The following WDR64 variants were observed in gnomAD, a reference collection of about 807,000 sequenced individuals.
The protein encoded by WDR64 is WD repeat domain 64, also known as WD repeat-containing protein 64.
Under a neutral mutation model 139.3 loss-of-function variants are expected in WDR64, and 112 were observed. That is an observed-to-expected ratio of 0.80 (90% CI 0.69 to 0.94). WDR64 has a LOEUF of 0.94. WDR64 is among the 40% of genes least tolerant of loss of function. The pLI, the probability that WDR64 is intolerant of heterozygous loss-of-function variation, is 0.00. For missense variants in WDR64, 1,206 were observed against 1,293.1 expected (o/e 0.93, Z 1.03); for synonymous variants, 444 against 437.7 (o/e 1.01, Z -0.18).
chr1:241,784,976 A>AAAAAAAAG lies in WDR64; in HGVS notation c.2705+1595_2705+1596insAAAAAAAG, dbSNP rs138513526. ...CTGAAAAAAAAAAAAAAAAAAAAAA[A>AAAAAAAAG]GAAAGGACATCTGCTGTTTTATTTG... On this transcript the variant is annotated intron_variant, in intron 23 of 27. Coordinates refer to ENST00000437684, the MANE Select transcript of WDR64 (RefSeq NM_001367482.1). Among the ~76,000 whole-genome samples, 17 of 98,396 alleles carry AAAAAAAAG rather than the reference A, an allele frequency of 1.7e-4. 1 individual carries two copies. Among genetic ancestry groups the AAAAAAAAG allele is most frequent in the Admixed American group, 2.3e-4 (2 of 8,586 alleles). The allele number at this position is 98,396 out of a possible 152,430, so 64.6% of individuals were successfully genotyped here.
chr1:241,731,356 A>G (rs1319471987), intron 10 of WDR64, among the ~76,000 whole-genome samples: 1 of 152,102 alleles, frequency 6.6e-6, no homozygotes, highest in Non-Finnish European at 1.5e-5. Context: ...AAAAAAAAAA[A>G]ATGAGATAAA....
In WDR64 at chr1:241,780,024, A is replaced by G; in HGVS notation, c.2557A>G (p.Asn853Asp). ...GNVEGHVILC[N>D]ISSFLDPPHD... ...TACAGAAGGACATGTTATCCTTTGC[A>G]ATATTAGCTCTTTCCTGGATCCACC... The change falls in exon 22 of 28, where the codon AAT becomes GAT. Residue 853 changes from asparagine (N) to aspartate (D), a missense_variant. Coordinates refer to ENST00000437684, the MANE Select transcript of WDR64 (RefSeq NM_001367482.1). 6.3e-7 allele frequency: 1 copy of G among 1,588,302 alleles called. No homozygotes were observed. The highest frequency in any genetic ancestry group is 8.5e-7 in the Non-Finnish European group (1 of 1,173,388).
At chr1:241,721,423 A>T (rs1256668140) in intron 9 of WDR64, among the ~76,000 whole-genome samples, 2 of 152,174 alleles carry the variant, frequency 1.3e-5, no homozygotes, top group Non-Finnish European at 2.9e-5. Flanking sequence ...AACTTAGGTT[A>T]TAACGCCTTT....
intron 10 of WDR64, among the ~76,000 whole-genome samples, chr1:241,734,649 GA>G (rs899292028): frequency 2.0e-5 from 3 of 151,632 alleles, no homozygotes; most frequent in African/African-American, 4.8e-5. Flanking sequence ...AAGACATTGG[GA>G]AAAAAAAGAG....
At chr1:241,763,114 T>C (rs1657996706) in intron 15 of WDR64, among the ~76,000 whole-genome samples, 1 of 152,210 alleles carries the variant, frequency 6.6e-6, no homozygotes, top group African/African-American at 2.4e-5. Context: ...GGTTCAATTA[T>C]ATGTATTTGA....
chr1:241,719,060 G>A (rs1339181120), intron 9 of WDR64, among the ~76,000 whole-genome samples: 2 of 152,130 alleles, frequency 1.3e-5, no homozygotes, highest in African/African-American at 2.4e-5. Flanking sequence ...GAAACCATCA[G>A]CTATGCAATG....
At chr1:241,660,766 G>A in intron 2 of WDR64, 106 bp downstream of exon 2, 11 of 1,266,130 alleles carry the variant, frequency 8.7e-6, no homozygotes, top group East Asian at 2.5e-5. Flanking sequence ...GAACCACAAC[G>A]TGCATGTGTC....
At chr1:241,723,468 G>GT (rs764834928) in intron 10 of WDR64, 32 bp downstream of exon 10, 47 of 1,604,662 alleles carry the variant, frequency 2.9e-5, no homozygotes, top group South Asian at 2.3e-4. Context: ...AACAAAACTA[G>GT]TTTTTTCCGG....
chr1:241,674,256 C>CTTTTTTTTT lies in WDR64; in HGVS notation c.380-384_380-383insTTTTTTTTT, dbSNP rs544401027. Among the ~76,000 whole-genome samples, 28 of 121,332 alleles carry CTTTTTTTTT rather than the reference C, an allele frequency of 2.3e-4. 4 individuals are homozygous for CTTTTTTTTT. The highest frequency in any genetic ancestry group is 3.1e-4 in the Non-Finnish European group (18 of 58,906). 79.6% of individuals were successfully genotyped at this position (121,332 alleles called of 152,430 possible). ...AAGCTGGCTGTTTATCTTTTTTTTT[C>CTTTTTTTTT]TTTTCTTTTTTTTTTTTTTTGAGAC... On this transcript the variant is annotated intron_variant, in intron 3 of 27. Coordinates refer to ENST00000437684, the MANE Select transcript of WDR64 (RefSeq NM_001367482.1).
chr1:241,724,959 T>G (rs1668743474), intron 10 of WDR64, among the ~76,000 whole-genome samples: 1 of 152,096 alleles, frequency 6.6e-6, no homozygotes, highest in Admixed American at 6.6e-5. Context: ...AGTGCCGAAG[T>G]GTGGTCAATC....
chr1:241,671,289 CT>C (rs1666217531), intron 3 of WDR64, 113 bp downstream of exon 3: 1 of 747,780 alleles, frequency 1.3e-6, no homozygotes, highest in South Asian at 2.0e-5. Flanking sequence ...TTGTTCAATA[CT>C]TTATCACTAG....
intron 27 of WDR64, among the ~76,000 whole-genome samples, chr1:241,800,810 T>C (rs529828180): frequency 6.9e-4 from 104 of 150,880 alleles, no homozygotes; most frequent in Non-Finnish European, 1.3e-3. Flanking sequence ...TATACAATAT[T>C]AATTATTAAT....
chr1:241,691,624 A>G (rs768228574), intron 8 of WDR64, among the ~76,000 whole-genome samples: 1 of 150,870 alleles, frequency 6.6e-6, no homozygotes. Context: ...CAGTTTTCCC[A>G]CTAAGATCAG....
rs147262988 is a variant in WDR64 at position 241,700,435 on chromosome 1, G to T, written c.975-11367G>T. 2.4e-3 allele frequency among the ~76,000 whole-genome samples: 366 copies of T among 152,168 alleles called. 1 individual carries two copies. The highest frequency in any genetic ancestry group is 8.4e-3 in the African/African-American group (347 of 41,544). On this transcript the variant is annotated intron_variant, in intron 8 of 27. Coordinates refer to ENST00000437684, the MANE Select transcript of WDR64 (RefSeq NM_001367482.1). ...TTTGACAGGATGGTCAGGAGAGACT[G>T]CTCTGAAGAGACAACATTTGAGCAG...
At chr1:241,741,775 G>A in intron 12 of WDR64, 111 bp downstream of exon 12, 1 of 1,120,422 alleles carries the variant, frequency 8.9e-7, no homozygotes, top group Non-Finnish European at 1.2e-6. Flanking sequence ...CATACGATGA[G>A]ACCATACATT....
intron 3 of WDR64, 102 bp from the exon 4 acceptor site, chr1:241,674,542 A>T: frequency 1.5e-6 from 1 of 661,554 alleles, no homozygotes; most frequent in Non-Finnish European, 2.6e-6. Flanking sequence ...GGAGTGAGCC[A>T]CTTGTGCCCT....
chr1:241,793,269 A>G (rs1013481531), intron 25 of WDR64, among the ~76,000 whole-genome samples: 2 of 152,238 alleles, frequency 1.3e-5, no homozygotes, highest in African/African-American at 4.8e-5. Context: ...CTGGATTGCT[A>G]TTTATGTCTG....
chr1:241,723,198 G>A, intron 9 of WDR64, 99 bp from the exon 10 acceptor site: 1 of 1,441,556 alleles, frequency 6.9e-7, no homozygotes, highest in Non-Finnish European at 9.4e-7. Flanking sequence ...ACTGTGATTT[G>A]CTGTTCGAAG....
In WDR64 at chr1:241,769,478, T is replaced by C. The variant is rs1438096327; in HGVS notation, c.2156T>C (p.Phe719Ser). 1.4e-5 allele frequency: 21 copies of C among 1,551,388 alleles called. No individual in the cohort carries two copies. The highest frequency in any genetic ancestry group is 1.7e-4 in the Middle Eastern group (1 of 6,014). The change falls in exon 17 of 28, where the codon TTC (phenylalanine) becomes TCC (serine). Residue 719 changes from phenylalanine to serine, a missense_variant. Coordinates refer to ENST00000437684, the MANE Select transcript of WDR64 (RefSeq NM_001367482.1). ...PKHFKINDILFLFRTPECARR... is the reference protein window; with the variant it reads ...PKHFKINDILSLFRTPECARR... ...CACTTTAAAATTAATGACATACTGT[T>C]CCTCTTTCGTACCCCTGAATGTGCA... is the stretch of plus-strand genomic sequence containing the variant.
Sources: gnomAD v4.1 joint callset for allele counts (sites outside exome capture counted in the v4.1 genomes callset) on GRCh38, gnomAD v4.1.1 for gene constraint, MANE v1.5 for transcripts, NCBI Gene and HGNC (gene_info 2026-07-23, HGNC 2026-07-21) for gene names.